CALCR: variants seen among roughly 807,000 people sequenced by gnomAD.
CALCR encodes the protein calcitonin receptor.
A neutral mutation model predicts 59.5 loss-of-function variants in CALCR; 47 were observed. The observed-to-expected ratio is 0.79, with a 90% confidence interval of 0.63 to 1.01. CALCR has a LOEUF of 1.01. Ranked by LOEUF, CALCR falls within the 50% of genes least tolerant of loss-of-function variation. The probability of loss-of-function intolerance (pLI) is 0.00; values close to 1 mark genes in which losing one functional copy is unlikely to be tolerated. For missense variants in CALCR, 566 were observed against 597.1 expected (o/e 0.95, Z 0.54); for synonymous variants, 213 against 211.3 (o/e 1.01, Z -0.07).
At chr7:93,471,753 T>C (rs574299950) in intron 6 of CALCR, among the ~76,000 whole-genome samples, 1 of 151,880 alleles carries the variant, frequency 6.6e-6, no homozygotes, top group South Asian at 2.1e-4. Flanking sequence ...GGAAGAAAGA[T>C]CATCTGTTCC....
At chr7:93,567,814 T>A (rs1789901250) in intron 2 of CALCR, among the ~76,000 whole-genome samples, 1 of 151,958 alleles carries the variant, frequency 6.6e-6, no homozygotes, top group African/African-American at 2.4e-5. Flanking sequence ...CTTGTGATAG[T>A]TTGCTGAGAA....
intron 7 of CALCR, among the ~76,000 whole-genome samples, chr7:93,464,147 AC>A (rs1217289099): frequency 6.6e-6 from 1 of 151,912 alleles, no homozygotes; most frequent in Non-Finnish European, 1.5e-5. Context: ...TTAGTACCCT[AC>A]GTGTGTGTGA....
Position 93,468,699 on chromosome 7 carries a change from C to T in CALCR, c.521+16G>A, listed in dbSNP as rs377641855. 3.3e-6 allele frequency: 5 copies of T among 1,538,034 alleles called. No individual in the cohort carries two copies. The highest frequency in any genetic ancestry group is 1.4e-5 in the African/African-American group (1 of 73,272). On this transcript the variant is annotated intron_variant, in intron 7 of 13. Coordinates refer to ENST00000426151, the MANE Select transcript of CALCR (RefSeq NM_001742.4). ...TAAAGGAGGAAATAAAGAGCAGATG[C>T]TGTGAGTGTACTTACCTGAAAAACA... is the stretch of plus-strand genomic sequence containing the variant.
intron 8 of CALCR, among the ~76,000 whole-genome samples, chr7:93,452,413 A>G (rs1363720740): frequency 1.3e-5 from 2 of 152,006 alleles, no homozygotes; most frequent in African/African-American, 4.8e-5. Flanking sequence ...AGGGACAAAA[A>G]GACCCTCGGC....
At chr7:93,564,758 T>TG (rs1789825175) in intron 2 of CALCR, among the ~76,000 whole-genome samples, 1 of 151,786 alleles carries the variant, frequency 6.6e-6, no homozygotes, top group African/African-American at 2.4e-5. Context: ...CCAGCCAATT[T>TG]TTTTTTTTTT....
chr7:93,438,200 T>C lies in CALCR; in HGVS notation c.863+10A>G. The stretch of plus-strand genomic sequence containing the variant: ...GAATATGTTAACTTAAACATCACCA[T>C]AATACTTACTTGTCATTGAAGTACA... On this transcript the variant is annotated intron_variant, in intron 10 of 13. Transcript: ENST00000426151. 1 of 1,612,338 alleles carries C rather than the reference T, an allele frequency of 6.2e-7. No individual in the cohort carries two copies. Among genetic ancestry groups the C allele is most frequent in the Non-Finnish European group, 8.5e-7 (1 of 1,178,394 alleles).
chr7:93,500,501 A>G (rs563093518), intron 2 of CALCR, among the ~76,000 whole-genome samples: 3 of 152,110 alleles, frequency 2.0e-5, no homozygotes, highest in Admixed American at 6.6e-5. Context: ...TGTTGTACCA[A>G]TACTTACTAG....
At chr7:93,568,971 A>G (rs1323474138) in intron 2 of CALCR, among the ~76,000 whole-genome samples, 2 of 152,054 alleles carry the variant, frequency 1.3e-5, no homozygotes, top group Non-Finnish European at 2.9e-5. Flanking sequence ...CTCTCTTATT[A>G]TCCATGAAAG....
rs560696649 is a variant in CALCR at position 93,565,294 on chromosome 7, A to C, written c.-27+8995T>G. On this transcript the variant is annotated intron_variant, in intron 2 of 13. Coordinates refer to ENST00000426151, the MANE Select transcript of CALCR (RefSeq NM_001742.4). ...TGAATAATACTAAGGGTAAAATATT[A>C]GTTATCAAGAAGATATATAGCATTA... Among the ~76,000 whole-genome samples, 6 of 152,344 alleles carry C rather than the reference A, an allele frequency of 3.9e-5. No homozygotes were observed. The South Asian group carries it at 1.0e-3, about 26-fold the overall frequency.
chr7:93,509,183 C>G (rs1489635498), intron 2 of CALCR, among the ~76,000 whole-genome samples: 1 of 152,036 alleles, frequency 6.6e-6, no homozygotes, highest in Admixed American at 6.6e-5. Flanking sequence ...CCGTAAGATT[C>G]CCAGGCAAAA....
At chr7:93,531,957 T>G (rs1788853346) in intron 2 of CALCR, among the ~76,000 whole-genome samples, 1 of 151,930 alleles carries the variant, frequency 6.6e-6, no homozygotes, top group Admixed American at 6.6e-5. Flanking sequence ...ACAATGATCA[T>G]GAATGTGATT....
At chr7:93,551,539 C>T (rs570788376) in intron 2 of CALCR, among the ~76,000 whole-genome samples, 16 of 152,156 alleles carry the variant, frequency 1.1e-4, no homozygotes, top group South Asian at 4.1e-4. Flanking sequence ...TCCACAAATA[C>T]GATAGTAACT....
At chr7:93,454,524 C>A (rs754897484) in intron 8 of CALCR, among the ~76,000 whole-genome samples, 4 of 151,874 alleles carry the variant, frequency 2.6e-5, no homozygotes, top group African/African-American at 4.8e-5. Flanking sequence ...TGACAAGTAT[C>A]CTGCTAGCTT....
chr7:93,568,509 T>TCCTCTCTCTCTCTCTCTCTCTCTC, intron 2 of CALCR, among the ~76,000 whole-genome samples: 1 of 102,430 alleles, frequency 9.8e-6, no homozygotes, highest in East Asian at 3.6e-4. Context: ...TAAAATTACT[T>TCCTCTCTCTCTCTCTCTCTCTCTC]TCTCTCTCTC....
chr7:93,494,705 T>C (rs1218191498), intron 2 of CALCR, among the ~76,000 whole-genome samples: 1 of 151,338 alleles, frequency 6.6e-6, no homozygotes, highest in Non-Finnish European at 1.5e-5. Flanking sequence ...AAGCACTTTA[T>C]GGTGACTCCT....
intron 13 of CALCR, among the ~76,000 whole-genome samples, chr7:93,428,040 C>A (rs901044234): frequency 6.6e-6 from 1 of 152,068 alleles, no homozygotes; most frequent in African/African-American, 2.4e-5. Context: ...TGAGTGCTTG[C>A]ATGAAGGGTA....
chr7:93,527,253 TATC>T (rs1232999684), intron 2 of CALCR, among the ~76,000 whole-genome samples: 1 of 151,708 alleles, frequency 6.6e-6, no homozygotes, highest in Non-Finnish European at 1.5e-5. Flanking sequence ...AATATGTACA[TATC>T]ATTATACTAA....
intron 2 of CALCR, among the ~76,000 whole-genome samples, chr7:93,522,629 C>T (rs1277393752): frequency 6.6e-6 from 1 of 152,108 alleles, no homozygotes. Context: ...CAAATCTTCC[C>T]ATTTTGAATC....
At chr7:93,497,504 A>T (rs558552587) in intron 2 of CALCR, among the ~76,000 whole-genome samples, 1 of 151,490 alleles carries the variant, frequency 6.6e-6, no homozygotes, top group Non-Finnish European at 1.5e-5. Context: ...GCTCAAGGAG[A>T]TTAGGAGATT....
Sources: allele counts gnomAD v4.1 joint callset (sites outside exome capture counted in the v4.1 genomes callset), GRCh38; gene constraint gnomAD v4.1.1; transcripts MANE v1.5; gene names NCBI Gene and HGNC (gene_info 2026-07-23, HGNC 2026-07-21).